Variants in ALMS1 observed in about 807,000 individuals in gnomAD.
The protein encoded by ALMS1 is centrosome-associated protein ALMS1.
A neutral mutation model predicts 352.2 loss-of-function variants in ALMS1; 271 were observed. The ratio of observed to expected loss-of-function variants is 0.77; its 90% CI spans 0.70 to 0.85. The LOEUF (loss-of-function observed/expected upper bound fraction) is 0.85, where lower values mean the gene tolerates loss of function less well. ALMS1 is among the 40% of genes least tolerant of loss of function. ALMS1 has a pLI of 0.00. For missense variants in ALMS1, 5,445 were observed against 4,870.7 expected, an observed-to-expected ratio of 1.12 and a Z score of -3.51; for synonymous variants, 1,865 against 1,761.2, an observed-to-expected ratio of 1.06 and a Z score of -1.48.
intron 8 of ALMS1, among the ~76,000 whole-genome samples, chr2:73,454,906 G>A (rs527452352): frequency 4.7e-4 from 72 of 152,288 alleles, no homozygotes; most frequent in African/African-American, 1.6e-3. Flanking sequence ...GGAGGATTAA[G>A]ATAAATATGA....
At chr2:73,395,060 GTA>G (rs755110782) in intron 1 of ALMS1, among the ~76,000 whole-genome samples, 1,457 of 92,654 alleles carry the variant, frequency 0.016, 159 homozygotes, top group African/African-American at 0.061. Flanking sequence ...ATATATATGT[GTA>G]TATATATATA....
chr2:73,467,075 G>A (rs1459658819), intron 9 of ALMS1, among the ~76,000 whole-genome samples: 1 of 149,936 alleles, frequency 6.7e-6, no homozygotes, highest in African/African-American at 2.5e-5. Flanking sequence ...TCTTCATGAT[G>A]TTGGGTTAGG....
upstream of ALMS1, chr2:73,385,775 C>T (rs1240179182): frequency 8.2e-6 from 5 of 610,736 alleles, no homozygotes; most frequent in Non-Finnish European, 1.2e-5. Flanking sequence ...CGGCACTGCG[C>T]CTAAGCTGGG....
Position 73,466,099 on chromosome 2 carries a change from G to A in ALMS1, c.7674+10804G>A, listed in dbSNP as rs565983869. 3.6e-3 allele frequency among the ~76,000 whole-genome samples: 546 copies of A among 152,170 alleles called. 4 individuals carry two copies. Among genetic ancestry groups the A allele is most frequent in the African/African-American group, 0.012 (483 of 41,518 alleles). ...GTCGATTCCTCAGGGATCTAGAACT[G>A]GAAATACCATTTGACCCAGCCATCC... is the stretch of plus-strand genomic sequence containing the variant. On this transcript the variant is annotated intron_variant, in intron 9 of 22. Transcript: ENST00000613296.
intron 12 of ALMS1, among the ~76,000 whole-genome samples, chr2:73,546,729 C>T (rs542700507): frequency 9.9e-5 from 15 of 152,036 alleles, no homozygotes; most frequent in Non-Finnish European, 1.5e-4. Flanking sequence ...GAGAATGTTC[C>T]GGCGAGAGGG....
At chr2:73,433,803 A>C (rs973863710) in intron 7 of ALMS1, among the ~76,000 whole-genome samples, 1 of 152,148 alleles carries the variant, frequency 6.6e-6, no homozygotes, top group Non-Finnish European at 1.5e-5. Context: ...CCATAAGTCT[A>C]TTTAGATTTT....
intron 9 of ALMS1, among the ~76,000 whole-genome samples, chr2:73,465,545 A>G (rs905350024): frequency 3.3e-5 from 5 of 152,196 alleles, no homozygotes; most frequent in Non-Finnish European, 5.9e-5. Flanking sequence ...CTAGAAGAAA[A>G]CCTAGGCAAT....
At chr2:73,468,582 C>T (rs1026068383) in intron 9 of ALMS1, among the ~76,000 whole-genome samples, 1 of 151,890 alleles carries the variant, frequency 6.6e-6, no homozygotes, top group East Asian at 1.9e-4. Context: ...CACCATTTTC[C>T]TTTTTGTCTC....
At chr2:73,583,105 CTTATGCTTAGTGATACTGAGCATTTTT>C (rs910892934) in intron 16 of ALMS1, among the ~76,000 whole-genome samples, 1 of 150,694 alleles carries the variant, frequency 6.6e-6, no homozygotes, top group African/African-American at 2.4e-5. Context: ...TTGCATTGCT[CTTATGCTTAGTGATACTGAGCATTTTT>C]TTATATGCTT....
chr2:73,491,897 T>C (rs1460686133), intron 10 of ALMS1, among the ~76,000 whole-genome samples: 1 of 152,120 alleles, frequency 6.6e-6, no homozygotes, highest in Non-Finnish European at 1.5e-5. Flanking sequence ...CTCTCTCTCT[T>C]CTCCAGCTCT....
intron 16 of ALMS1, among the ~76,000 whole-genome samples, chr2:73,588,289 C>G (rs1675351887): frequency 6.6e-6 from 1 of 152,022 alleles, no homozygotes; most frequent in Non-Finnish European, 1.5e-5. Flanking sequence ...AGTCCAGGCC[C>G]TCTTCTCTCT....
intron 15 of ALMS1, among the ~76,000 whole-genome samples, chr2:73,563,732 AAAAAAAAATAAAAAT>A (rs1217794454): frequency 1.4e-5 from 2 of 140,970 alleles, no homozygotes; most frequent in South Asian, 2.2e-4. Flanking sequence ...CAAAAAAAAA[AAAAAAAAATAAAAAT>A]AAAAAATGAA....
chr2:73,602,061 T>C (rs1675704072), intron 19 of ALMS1, 124 bp from the exon 20 acceptor site: 2 of 1,019,106 alleles, frequency 2.0e-6, no homozygotes, highest in African/African-American at 3.2e-5. Flanking sequence ...CGCTAGATAC[T>C]TTCTCGGCAT....
At chr2:73,495,183 G>A (rs1363931792) in intron 10 of ALMS1, among the ~76,000 whole-genome samples, 1 of 152,132 alleles carries the variant, frequency 6.6e-6, no homozygotes, top group Non-Finnish European at 1.5e-5. Context: ...CTGCCCCAGA[G>A]CTGGAATCAA....
At chr2:73,478,748 G>A (rs1461681804) in intron 9 of ALMS1, among the ~76,000 whole-genome samples, 6 of 151,904 alleles carry the variant, frequency 3.9e-5, no homozygotes, top group African/African-American at 1.5e-4. Flanking sequence ...GTATACATGT[G>A]CCATGGTGGT....
chr2:73,432,142 A>G, intron 6 of ALMS1, 56 bp from the exon 7 acceptor site: 1 of 1,329,558 alleles, frequency 7.5e-7, no homozygotes, highest in Non-Finnish European at 1.1e-6. Context: ...GGTCATTCTA[A>G]TCTGGGCATT....
intron 11 of ALMS1, among the ~76,000 whole-genome samples, chr2:73,530,802 G>C (rs754652011): frequency 6.6e-6 from 1 of 152,222 alleles, no homozygotes; most frequent in East Asian, 1.9e-4. Context: ...CTTGTCTTCT[G>C]TGCATCTGTA....
chr2:73,462,032 C>A (rs576876644), intron 9 of ALMS1, among the ~76,000 whole-genome samples: 1 of 151,306 alleles, frequency 6.6e-6, no homozygotes, highest in African/African-American at 2.5e-5. Context: ...AAACACTCTG[C>A]AGGATATTAT....
intron 11 of ALMS1, among the ~76,000 whole-genome samples, chr2:73,523,222 A>T (rs1030929208): frequency 5.9e-5 from 9 of 152,192 alleles, no homozygotes; most frequent in Admixed American, 5.9e-4. Context: ...TTATGCCATA[A>T]CACTTTTCAG....
Sources: allele counts gnomAD v4.1 joint callset (sites outside exome capture counted in the v4.1 genomes callset), GRCh38; gene constraint gnomAD v4.1.1; transcripts MANE v1.5; gene names NCBI Gene and HGNC (gene_info 2026-07-23, HGNC 2026-07-21).